Variants in HDLBP observed in about 807,000 individuals in gnomAD.
The protein encoded by HDLBP is vigilin.
Under a neutral mutation model 137.3 loss-of-function variants are expected in HDLBP, and 30 were observed. The observed-to-expected ratio is 0.22, with a 90% CI of 0.16 to 0.30. The LOEUF (loss-of-function observed/expected upper bound fraction) is 0.30. Ranked by LOEUF, HDLBP falls within the 10% of genes least tolerant of loss-of-function variation. The probability of loss-of-function intolerance (pLI) is 1.00; values close to 1 mark genes in which losing one functional copy is unlikely to be tolerated. For synonymous variants in HDLBP, 606 were observed against 596.0 expected, an observed-to-expected ratio of 1.02 and a Z score of -0.24; for missense variants, 1,119 against 1,667.3, an observed-to-expected ratio of 0.67 and a Z score of 5.73.
At chr2:241,278,113 G>A (rs1022416442) in intron 1 of HDLBP, among the ~76,000 whole-genome samples, 1 of 152,118 alleles carries the variant, frequency 6.6e-6, no homozygotes, top group Non-Finnish European at 1.5e-5. Context: ...ATCTCACCTA[G>A]GTATTTAAAA....
chr2:241,292,995 T>C (rs954610385), intron 1 of HDLBP, among the ~76,000 whole-genome samples: 3 of 151,736 alleles, frequency 2.0e-5, no homozygotes, highest in Non-Finnish European at 4.4e-5. Context: ...GCCACTGCAC[T>C]CGGCCTGGGC....
At chr2:241,276,829 A>C (rs1421328626) in intron 1 of HDLBP, among the ~76,000 whole-genome samples, 2 of 152,180 alleles carry the variant, frequency 1.3e-5, no homozygotes, top group Non-Finnish European at 2.9e-5. Context: ...TGATATATCC[A>C]AGGTTAAAGG....
At position 241,240,507 on chromosome 2, in the gene HDLBP, C is replaced by G. The variant is rs2071099729; in HGVS notation, c.2170-385G>C. Among the ~76,000 whole-genome samples the G allele has an allele frequency of 6.6e-6, 1 of 151,760 alleles. No homozygotes were observed. The highest frequency in any genetic ancestry group is 2.4e-5 in the African/African-American group (1 of 41,410). ...CCTGGGGAGCGTGGGGTGTGCCCAG[C>G]AGAGCAGGAAGCAAGCTGCCCAAGA... is the stretch of plus-strand genomic sequence containing the variant. On this transcript the variant is annotated intron_variant, in intron 17 of 27. Transcript: ENST00000310931. The surrounding 1 kb of genome is among the most constrained non-coding windows in gnomAD (Gnocchi z 5.5).
chr2:241,313,966 A>G (rs2075865142), intron 1 of HDLBP, among the ~76,000 whole-genome samples: 1 of 152,212 alleles, frequency 6.6e-6, no homozygotes, highest in African/African-American at 2.4e-5. Flanking sequence ...CTTGGCACCA[A>G]GCAAAACTAA....
intron 16 of HDLBP, among the ~76,000 whole-genome samples, chr2:241,245,223 G>T (rs145042302): frequency 9.3e-5 from 14 of 150,404 alleles, no homozygotes; most frequent in African/African-American, 3.2e-4. Flanking sequence ...TGGCTCTATG[G>T]CCCAGGCTGG....
intron 1 of HDLBP, among the ~76,000 whole-genome samples, chr2:241,276,534 A>G (rs1477765061): frequency 6.6e-6 from 1 of 152,168 alleles, no homozygotes; most frequent in Admixed American, 6.5e-5. Context: ...ATACGTGTTA[A>G]CAGACTAAAC....
rs1046256318 is a variant in HDLBP at position 241,227,544 on chromosome 2, C to T, written c.*2057G>A. The T allele has an allele frequency of 6.6e-6, 1 of 152,594 alleles. No individual in the cohort carries two copies. The highest frequency in any genetic ancestry group is 1.5e-5 in the Non-Finnish European group (1 of 68,090). The allele number at this position is 152,594 out of a possible 1,614,324, so 9.5% of individuals were successfully genotyped here. Reference sequence around the variant, plus strand: ...TCAGGGAGACAGGCCTGGGGACAGTCATGTCATCACCCTTGCAACAACCAC... The same window carrying T: ...TCAGGGAGACAGGCCTGGGGACAGTTATGTCATCACCCTTGCAACAACCAC... On this transcript the variant is annotated 3_prime_UTR_variant, in exon 28 of 28. Coordinates refer to ENST00000310931, the MANE Select transcript of HDLBP (RefSeq NM_005336.6).
rs1281519976 is a variant in HDLBP at position 241,272,251 on chromosome 2, C to T, written c.-102-3710G>A. ...TGCGCCCAGACCCCCGCCCCGCCGC[C>T]ACCTGGGGGGAAGGACCCCGCTGGC... On this transcript the variant is annotated intron_variant, in intron 1 of 27. Coordinates refer to ENST00000310931, the MANE Select transcript of HDLBP (RefSeq NM_005336.6). The surrounding 1 kb of genome is among the most constrained non-coding windows in gnomAD (Gnocchi z 5.6). 1.0e-6 allele frequency: 1 copy of T among 967,204 alleles called. No individual in the cohort carries two copies. The highest frequency in any genetic ancestry group is 1.8e-5 in the African/African-American group (1 of 56,810). The allele number at this position is 967,204 out of a possible 1,614,324, so 59.9% of individuals were successfully genotyped here.
intron 6 of HDLBP, 71 bp from the exon 7 acceptor site, chr2:241,256,470 G>C: frequency 6.6e-7 from 1 of 1,506,244 alleles, no homozygotes; most frequent in South Asian, 1.2e-5. Flanking sequence ...GGGCTTTTTA[G>C]AGTTGGAGTC....
At chr2:241,302,150 C>T (rs1326783330) in intron 1 of HDLBP, among the ~76,000 whole-genome samples, 1 of 151,824 alleles carries the variant, frequency 6.6e-6, no homozygotes, top group African/African-American at 2.4e-5. Context: ...CCCAGCTACT[C>T]AGGAGGCGGA....
At chr2:241,249,704 C>A in intron 12 of HDLBP, 137 bp downstream of exon 12, 1 of 793,892 alleles carries the variant, frequency 1.3e-6, no homozygotes, top group Non-Finnish European at 2.0e-6. Flanking sequence ...CCCAGGGAGT[C>A]CAATCCGGTT....
chr2:241,306,337 C>T (rs547995145), intron 1 of HDLBP, among the ~76,000 whole-genome samples: 39 of 151,756 alleles, frequency 2.6e-4, no homozygotes, highest in Admixed American at 1.4e-3. Context: ...TCTCGGCTCA[C>T]TGCAACCTCT....
chr2:241,311,592 A>AC (rs1448162849), intron 1 of HDLBP, among the ~76,000 whole-genome samples: 1 of 152,226 alleles, frequency 6.6e-6, no homozygotes, highest in Non-Finnish European at 1.5e-5. Context: ...AAGAAAACGG[A>AC]CAATTTCTTG....
In HDLBP at chr2:241,272,534, G is replaced by C. The variant is rs1475945132; in HGVS notation, c.-102-3993C>G. ...CTCCGCGCCACGGCCACGCGCAGAA[G>C]AGACTCGGAGCCGGCCCCAGGTCTG... is the stretch of plus-strand genomic sequence containing the variant. On this transcript the variant is annotated intron_variant, in intron 1 of 27. Coordinates refer to ENST00000310931, the MANE Select transcript of HDLBP (RefSeq NM_005336.6). This position sits in a 1 kb window ranked among gnomAD's most constrained non-coding sequence, Gnocchi z 5.6. 3.0e-6 allele frequency: 3 copies of C among 984,602 alleles called. No homozygotes were observed. Among genetic ancestry groups the C allele is most frequent in the Middle Eastern group, 1.0e-3 (2 of 1,912 alleles). The allele number at this position is 984,602 out of a possible 1,614,324, so 61.0% of individuals were successfully genotyped here.
chr2:241,254,705 C>T (rs956145598), intron 9 of HDLBP, among the ~76,000 whole-genome samples: 2 of 152,016 alleles, frequency 1.3e-5, no homozygotes, highest in African/African-American at 2.4e-5. Flanking sequence ...AGGATGGTCT[C>T]GATCTCCTGA....
intron 1 of HDLBP, among the ~76,000 whole-genome samples, chr2:241,282,100 A>G (rs549491599): frequency 6.6e-6 from 1 of 152,330 alleles, no homozygotes; most frequent in African/African-American, 2.4e-5. Flanking sequence ...TCTACCACAA[A>G]CACAAACATG....
At position 241,238,619 on chromosome 2, in the gene HDLBP, C is replaced by A; in HGVS notation, c.2749+30G>T. On this transcript the variant is annotated intron_variant, in intron 20 of 27. Coordinates refer to ENST00000310931, the MANE Select transcript of HDLBP (RefSeq NM_005336.6). The surrounding 1 kb of genome is among the most constrained non-coding windows in gnomAD (Gnocchi z 4.9). ...CTCACATGGGAGGCGCCACTATTAA[C>A]AAGCAGAGCAGGGCTAATGGGGGAC... 6.7e-7 allele frequency: 1 copy of A among 1,483,238 alleles called. No individual in the cohort carries two copies. The highest frequency in any genetic ancestry group is 9.0e-7 in the Non-Finnish European group (1 of 1,106,038). The allele number at this position is 1,483,238 out of a possible 1,614,324, so 91.9% of individuals were successfully genotyped here. A position where few individuals can be genotyped will look rare whatever the true frequency, so the allele number is the denominator to read the frequency against.
Position 241,230,659 on chromosome 2 carries a change from A to C in HDLBP, c.3474+100T>G. 1 of 1,038,580 alleles carries C rather than the reference A, an allele frequency of 9.6e-7. No homozygotes were observed. The highest frequency in any genetic ancestry group is 1.4e-6 in the Non-Finnish European group (1 of 696,478). 64.3% of individuals were successfully genotyped at this position (1,038,580 alleles called of 1,614,324 possible). ...CTGCCAGCCCTGGGGTTGTGGCCTC[A>C]TCATCTTGAGGGGAAGGCCATGCCC... On this transcript the variant is annotated intron_variant, in intron 25 of 27. Coordinates refer to ENST00000310931, the MANE Select transcript of HDLBP (RefSeq NM_005336.6). This position sits in a 1 kb window ranked among gnomAD's most constrained non-coding sequence, Gnocchi z 5.0.
chr2:241,245,861 C>G (rs1299355018), intron 16 of HDLBP, among the ~76,000 whole-genome samples: 1 of 152,058 alleles, frequency 6.6e-6, no homozygotes, highest in Non-Finnish European at 1.5e-5. Flanking sequence ...AAGCATACTA[C>G]CAGGGAAAAG....
Sources: gnomAD v4.1 joint callset for allele counts (sites outside exome capture counted in the v4.1 genomes callset) on GRCh38, gnomAD v4.1.1 for gene constraint, Gnocchi (gnomAD v3.1) non-coding constraint, MANE v1.5 for transcripts, NCBI Gene and HGNC (gene_info 2026-07-23, HGNC 2026-07-21) for gene names.